Variants in TACC3 observed in about 807,000 individuals in gnomAD.
TACC3 encodes the protein transforming acidic coiled-coil-containing protein 3.
Under a neutral mutation model 86.0 loss-of-function variants are expected in TACC3, and 52 were observed. That is an observed-to-expected ratio of 0.60 (90% CI 0.48 to 0.76). The LOEUF (loss-of-function observed/expected upper bound fraction) is 0.76. Ranked by LOEUF, TACC3 falls within the 30% of genes least tolerant of loss-of-function variation. The pLI, the probability that TACC3 is intolerant of heterozygous loss-of-function variation, is 0.00. For synonymous variants in TACC3, 512 were observed against 430.0 expected (o/e 1.19, Z -2.36); for missense variants, 1,120 against 1,070.4 (o/e 1.05, Z -0.65).
In TACC3 at chr4:1,728,661, G is replaced by A; in HGVS notation, c.1259G>A (p.Gly420Asp). 6.2e-7 allele frequency: 1 copy of A among 1,613,846 alleles called. No homozygotes were observed. Among genetic ancestry groups the A allele is most frequent in the African/African-American group, 1.3e-5 (1 of 75,052 alleles). The change falls in exon 4 of 16, where the codon GGT (glycine) becomes GAT (aspartate). Residue 420 changes from glycine to aspartate, a missense_variant. By Grantham distance (94) the Gly-to-Asp change is moderately conservative (BLOSUM62 -1). Coordinates refer to ENST00000313288, the MANE Select transcript of TACC3 (RefSeq NM_006342.3). ...MDDPNFIPFG[G>D]DTKSGCSEAQ... ...GACCCAAACTTCATCCCGTTCGGAGGTGACACCAAGTCTGGTTGCAGTGAG... is the reference window on the plus strand; with the variant it reads ...GACCCAAACTTCATCCCGTTCGGAGATGACACCAAGTCTGGTTGCAGTGAG...
In TACC3 at chr4:1,727,704, A is replaced by G. The variant is rs986165508; in HGVS notation, c.306-4A>G. 3 of 1,569,080 alleles carry G rather than the reference A, an allele frequency of 1.9e-6. No individual in the cohort carries two copies. The highest frequency in any genetic ancestry group is 2.6e-6 in the Non-Finnish European group (3 of 1,157,388). The stretch of plus-strand genomic sequence containing the variant: ...CTTCACGTTGATTAAGTCTCTTTTA[A>G]AAGCCAACAGCTCATCAAGGAAGTG... On this transcript the variant is annotated splice_region_variant and splice_polypyrimidine_tract_variant and intron_variant, in intron 3 of 15. Coordinates refer to ENST00000313288, the MANE Select transcript of TACC3 (RefSeq NM_006342.3).
At position 1,737,721 on chromosome 4, in the gene TACC3, G is replaced by A. The variant is rs1201848303; in HGVS notation, c.1941+19G>A. On this transcript the variant is annotated intron_variant, in intron 10 of 15. Transcript: ENST00000313288. ...TGCAGTGGTAAGGACGCAGGTAGTAGCTATTCCACAGAACCTGCAGGCCGC... is the reference window on the plus strand; with the variant it reads ...TGCAGTGGTAAGGACGCAGGTAGTAACTATTCCACAGAACCTGCAGGCCGC... 1 of 1,548,442 alleles carries A rather than the reference G, an allele frequency of 6.5e-7. No individual in the cohort carries two copies. Among genetic ancestry groups the A allele is most frequent in the Non-Finnish European group, 8.7e-7 (1 of 1,144,842 alleles).
At chr4:1,731,996 G>A (rs546410868) in intron 6 of TACC3, among the ~76,000 whole-genome samples, 1 of 152,370 alleles carries the variant, frequency 6.6e-6, no homozygotes, top group South Asian at 2.1e-4. Flanking sequence ...AGTTAAATAC[G>A]GTTTGTCCGT....
chr4:1,738,067 G>A, intron 10 of TACC3: 1 of 366,506 alleles, frequency 2.7e-6, no homozygotes, highest in South Asian at 2.1e-5. Context: ...GCATCTCCTG[G>A]CAGCTTAGGA....
intron 3 of TACC3, 70 bp from the exon 4 acceptor site, chr4:1,727,638 G>A (rs1717754286): frequency 1.3e-6 from 2 of 1,520,936 alleles, no homozygotes. Context: ...CCTATGTTGA[G>A]AATGAATGCT....
At position 1,741,005 on chromosome 4, in the gene TACC3, G is replaced by C; in HGVS notation, c.2223+19G>C. ...CCGCAAGGTATGTCTCCGCCACCCTGGTGTCCTCACCTCGGAGGCTGATGG... is the reference window on the plus strand; with the variant it reads ...CCGCAAGGTATGTCTCCGCCACCCTCGTGTCCTCACCTCGGAGGCTGATGG... On this transcript the variant is annotated intron_variant, in intron 13 of 15. Transcript: ENST00000313288. The C allele has an allele frequency of 6.3e-7, 1 of 1,591,040 alleles. No homozygotes were observed. Among genetic ancestry groups the C allele is most frequent in the African/African-American group, 1.4e-5 (1 of 73,624 alleles).
At chr4:1,723,097 G>T in intron 1 of TACC3, 1 of 272,846 alleles carries the variant, frequency 3.7e-6, no homozygotes, top group Non-Finnish European at 7.0e-6. Flanking sequence ...GCTTGATATA[G>T]TAATACAGCA....
At position 1,744,513 on chromosome 4, in the gene TACC3, C is replaced by T. The variant is rs1487309143; in HGVS notation, c.2224-5C>T. ...TACCCACAGCTAATGCCTGCCCCTT[C>T]CTAGAACGAAGAGTCACTGAAGAAG... On this transcript the variant is annotated splice_polypyrimidine_tract_variant and splice_region_variant and intron_variant, in intron 13 of 15. Transcript: ENST00000313288. 3.7e-6 allele frequency: 6 copies of T among 1,612,066 alleles called. No homozygotes were observed. The highest frequency in any genetic ancestry group is 5.1e-6 in the Non-Finnish European group (6 of 1,179,448).
Position 1,735,655 on chromosome 4 carries a change from G to A in TACC3, c.1645-76G>A. 5 of 1,182,264 alleles carry A rather than the reference G, an allele frequency of 4.2e-6. No homozygotes were observed. The highest frequency in any genetic ancestry group is 6.2e-6 in the Non-Finnish European group (5 of 806,934). 73.2% of individuals were successfully genotyped at this position (1,182,264 alleles called of 1,614,324 possible). On this transcript the variant is annotated intron_variant, in intron 7 of 15. Transcript: ENST00000313288. The surrounding 1 kb of genome is among the most constrained non-coding windows in gnomAD (Gnocchi z 4.2). ...TGACCGGGGGTGGGAGTGTGCAGGTGACCTCCCTGGCCCTTAGCCCCCGTG... is the reference window on the plus strand; with the variant it reads ...TGACCGGGGGTGGGAGTGTGCAGGTAACCTCCCTGGCCCTTAGCCCCCGTG...
upstream of TACC3, chr4:1,721,255 C>T (rs1373485077): frequency 6.3e-6 from 1 of 158,106 alleles, no homozygotes; most frequent in Non-Finnish European, 1.4e-5. Context: ...TGAAGCCCCG[C>T]CCAGTAGCGT....
chr4:1,739,599 T>C (rs1718464767), intron 10 of TACC3, 103 bp from the exon 11 acceptor site: 1 of 1,124,906 alleles, frequency 8.9e-7, no homozygotes, highest in African/African-American at 1.6e-5. Context: ...CTCTGGGACA[T>C]TGCTCCAGGG....
At chr4:1,744,327 T>A in intron 13 of TACC3, 191 bp from the exon 14 acceptor site, 1 of 593,720 alleles carries the variant, frequency 1.7e-6, no homozygotes, top group Non-Finnish European at 3.0e-6. Flanking sequence ...GAGCCAGGGC[T>A]GTCCTGAACC....
At chr4:1,724,927 ATT>A (rs56412328) in intron 3 of TACC3, among the ~76,000 whole-genome samples, 4 of 110,128 alleles carry the variant, frequency 3.6e-5, no homozygotes, top group Non-Finnish European at 3.4e-5. Context: ...TGCCCGGCCA[ATT>A]TTTTTTTTTT....
rs916438664 is a variant in TACC3 at position 1,744,403 on chromosome 4, G to A, written c.2224-115G>A. ...TTCCAAAAGGAAAACGGGAGCTACT[G>A]GCTCACGGCTGATGCCCCAGACAGC... is the stretch of plus-strand genomic sequence containing the variant. On this transcript the variant is annotated intron_variant, in intron 13 of 15. Transcript: ENST00000313288. The A allele has an allele frequency of 4.6e-5, 43 of 937,480 alleles. No individual in the cohort carries two copies. In the African/African-American group the frequency reaches 6.0e-4, roughly 13 times the overall value. 58.1% of individuals were successfully genotyped at this position (937,480 alleles called of 1,614,324 possible).
chr4:1,728,376 G>C lies in TACC3; in HGVS notation c.974G>C (p.Gly325Ala), dbSNP rs1172108112. Reference protein sequence around the residue: ...TLSPQEEVAAGQMASSSRSGP... With the variant: ...TLSPQEEVAAAQMASSSRSGP... ...AGTCCTCAGGAAGAAGTGGCTGCAG[G>C]CCAAATGGCCAGCTCCTCGAGGAGC... The change falls in exon 4 of 16, where the codon GGC (glycine) becomes GCC (alanine). Residue 325 changes from glycine (G) to alanine (A), a missense_variant. Gly to Ala is a moderately conservative substitution (Grantham distance 60, BLOSUM62 0). Coordinates refer to ENST00000313288, the MANE Select transcript of TACC3 (RefSeq NM_006342.3). 1.9e-6 allele frequency: 3 copies of C among 1,613,116 alleles called. No individual in the cohort carries two copies.
In TACC3 at chr4:1,744,821, G is replaced by C. The variant is rs779232281; in HGVS notation, c.2440G>C (p.Val814Leu). The C allele has an allele frequency of 2.5e-6, 4 of 1,612,996 alleles. No homozygotes were observed. Among genetic ancestry groups the C allele is most frequent in the Non-Finnish European group, 3.4e-6 (4 of 1,180,028 alleles). The change falls in exon 15 of 16, where the codon GTG becomes CTG. Residue 814 changes from valine to leucine, a missense_variant. By Grantham distance (32) the Val-to-Leu change is conservative (BLOSUM62 1). Transcript: ENST00000313288. ...GCGCATCCAGTCGCTGGAGAAGACA[G>C]TGGAGCAGAAGGTGGGTGCGGGAAG... ...QMRIQSLEKT[V>L]EQKTKENEEL... is the part of the protein sequence containing the mutation.
intron 1 of TACC3, 164 bp from the exon 2 acceptor site, chr4:1,723,257 A>T: frequency 1.4e-6 from 1 of 695,822 alleles, no homozygotes; most frequent in Non-Finnish European, 2.4e-6. Context: ...ACTCAGTCTG[A>T]GGCTTTCTCT....
rs1391063051 is a variant in TACC3, at chr4:1,731,031, G to GC, written c.1461+74dup. The GC allele has an allele frequency of 4.4e-6, 7 of 1,598,532 alleles. No individual in the cohort carries two copies. The Admixed American group carries it at 8.3e-5, about 19-fold the overall frequency. On this transcript the variant is annotated intron_variant, in intron 5 of 15. Transcript: ENST00000313288. The stretch of plus-strand genomic sequence containing the variant: ...TGTAGAAGAGTAGCAGGCAGTGGAA[G>GC]CCCCCAGCAGCCTTGGGTGACGGGG...
chr4:1,722,054 C>T (rs1717408792), intron 1 of TACC3: 1 of 152,712 alleles, frequency 6.5e-6, no homozygotes, highest in African/African-American at 2.4e-5. Flanking sequence ...TCTAGGCCGC[C>T]TGCGGCGGAC....
Sources: allele counts gnomAD v4.1 joint callset (sites outside exome capture counted in the v4.1 genomes callset), GRCh38; gene constraint gnomAD v4.1.1; non-coding constraint Gnocchi (gnomAD v3.1); transcripts MANE v1.5; gene names NCBI Gene and HGNC (gene_info 2026-07-23, HGNC 2026-07-21).